TMEM234: variants seen among roughly 807,000 people sequenced by gnomAD.
The protein encoded by TMEM234 is chromosome 1 open reading frame 91.
A neutral mutation model predicts 17.8 loss-of-function variants in TMEM234; 21 were observed. The observed-to-expected ratio is 1.18, with a 90% CI of 0.84 to 1.70. The LOEUF (loss-of-function observed/expected upper bound fraction) is 1.70, where lower values mean the gene tolerates loss of function less well. Ranked by LOEUF, TMEM234 falls within the 40% of genes most tolerant of loss-of-function variation. The pLI, the probability that TMEM234 is intolerant of heterozygous loss-of-function variation, is 0.00. For missense variants in TMEM234, 137 were observed against 166.9 expected (o/e 0.82, Z 0.99); for synonymous variants, 83 against 73.5 (o/e 1.13, Z -0.66).
At chr1:32,214,683 G>A, downstream of TMEM234, 3 of 1,452,122 alleles carry the variant, frequency 2.1e-6, no homozygotes, top group Non-Finnish European at 9.3e-7. Flanking sequence ...GACAGACGGT[G>A]TCTCCTCTGC....
rs1347159239 is a variant in TMEM234, at chr1:32,221,148, A to C, written c.218T>G (p.Leu73Arg). ...GGACCCACCTGTCGATGCCAAGGTG[A>C]GGTAATAGAGAAGGGATCCACACTG... ...LNQCGSLLYY[L>R]TLASTDLTLA... Residue 73 changes from leucine to arginine, a missense_variant, in exon 3 of 5, where the codon CTC becomes CGC. Transcript: ENST00000309777. The C allele has an allele frequency of 1.2e-6, 2 of 1,613,314 alleles. No individual in the cohort carries two copies. Among genetic ancestry groups the C allele is most frequent in the Non-Finnish European group, 1.7e-6 (2 of 1,179,718 alleles).
In TMEM234 at chr1:32,221,860, G is replaced by A; in HGVS notation, c.168+7C>T. The A allele has an allele frequency of 6.2e-7, 1 of 1,612,954 alleles. No homozygotes were observed. On this transcript the variant is annotated splice_region_variant and intron_variant, in intron 2 of 4. Coordinates refer to ENST00000309777, the MANE Select transcript of TMEM234 (RefSeq NM_019118.5). ...CACCGAGAGAGGGGCCTTTCACAGA[G>A]ACGCACCTCAGTATTCAAGAAGAGG...
intron 3 of TMEM234, among the ~76,000 whole-genome samples, chr1:32,219,639 C>G (rs1296243674): frequency 2.6e-5 from 4 of 152,148 alleles, no homozygotes; most frequent in African/African-American, 9.7e-5. Flanking sequence ...TCCAAAAGTG[C>G]TGGAATTATA....
At chr1:32,214,778 C>T (rs1232576871), downstream of TMEM234, 1 of 1,613,594 alleles carries the variant, frequency 6.2e-7, no homozygotes, top group Non-Finnish European at 8.5e-7. Flanking sequence ...AGGGTCCAAG[C>T]CCAGTGTCCC....
chr1:32,216,938 G>A lies in TMEM234; in HGVS notation c.338C>T (p.Ala113Val). The A allele has an allele frequency of 1.2e-6, 2 of 1,614,154 alleles. No homozygotes were observed. The highest frequency in any genetic ancestry group is 8.5e-7 in the Non-Finnish European group (1 of 1,179,988). ...GEDIGGKRAV[A>V]GMVLTVIGIS... The stretch of plus-strand genomic sequence containing the variant: ...TCCTATCACGGTGAGCACCATGCCA[G>A]CAACTGCTCCTGGGATAATAGGCAG... Residue 113 changes from alanine to valine, a missense_variant, in exon 5 of 5, where the codon GCT (alanine) becomes GTT (valine). Ala to Val is a moderately conservative substitution (Grantham distance 64). Coordinates refer to ENST00000309777, the MANE Select transcript of TMEM234 (RefSeq NM_019118.5).
intron 4 of TMEM234, 68 bp from the exon 5 acceptor site, chr1:32,217,015 G>A (rs1458072979): frequency 6.2e-7 from 1 of 1,608,182 alleles, no homozygotes; most frequent in Non-Finnish European, 8.5e-7. Flanking sequence ...GTACAGGGCT[G>A]GAGGAAGGGC....
Position 32,221,910 on chromosome 1 carries a change from T to G in TMEM234, c.125A>C (p.Gln42Pro), listed in dbSNP as rs758322059. 4.2e-5 allele frequency: 67 copies of G among 1,612,920 alleles called. No homozygotes were observed. Among genetic ancestry groups the G allele is most frequent in the Non-Finnish European group, 5.7e-5 (67 of 1,179,966 alleles). ...GGTCTTCATCTCCTGTAGCAACTGC[T>G]GGGCCCAGGTCGGCTCATGAACCCG... Reference protein sequence around the residue: ...LQRVHEPTWAQQLLQEMKTLF... With the variant: ...LQRVHEPTWAPQLLQEMKTLF... Residue 42 changes from glutamine (Q) to proline (P), a missense_variant, in exon 2 of 5, where the codon CAG becomes CCG. Gln to Pro is a moderately conservative substitution (Grantham distance 76, BLOSUM62 -1). Coordinates refer to ENST00000309777, the MANE Select transcript of TMEM234 (RefSeq NM_019118.5).
downstream of TMEM234, chr1:32,215,119 A>G (rs932837644): frequency 7.1e-6 from 6 of 840,626 alleles, no homozygotes; most frequent in Non-Finnish European, 1.1e-5. Flanking sequence ...GTAAAAAAAA[A>G]AAAAGCTGGT....
At chr1:32,215,934 C>T (rs1449700476), downstream of TMEM234, 4 of 1,490,616 alleles carry the variant, frequency 2.7e-6, no homozygotes, top group African/African-American at 2.8e-5. Context: ...GGGACCACTA[C>T]TCTGGCCACC....
chr1:32,219,183 G>C (rs527460760), intron 3 of TMEM234, among the ~76,000 whole-genome samples: 1 of 151,546 alleles, frequency 6.6e-6, no homozygotes, highest in African/African-American at 2.4e-5. Context: ...GTTATCCATG[G>C]TAACAAGACT....
intron 3 of TMEM234, 58 bp from the exon 4 acceptor site, chr1:32,217,409 A>G (rs893325545): frequency 6.3e-7 from 1 of 1,589,778 alleles, no homozygotes; most frequent in African/African-American, 1.3e-5. Context: ...TCTAGGCACA[A>G]AACACTTCCA....
rs372274485 is a variant in TMEM234 at position 32,216,837 on chromosome 1, A to G, written c.*16T>C. 18 of 1,613,732 alleles carry G rather than the reference A, an allele frequency of 1.1e-5. No homozygotes were observed. Among genetic ancestry groups the G allele is most frequent in the East Asian group, 6.7e-5 (3 of 44,898 alleles). On this transcript the variant is annotated 3_prime_UTR_variant, in exon 5 of 5. Coordinates refer to ENST00000309777, the MANE Select transcript of TMEM234 (RefSeq NM_019118.5). ...GCTTCCTGGAGGCAGCAGAGCTGGA[A>G]GTGGGTTCGGCCCACTCAAAGGGTA...
Position 32,216,499 on chromosome 1 carries a change from G to A in TMEM234, c.*354C>T. 1.3e-6 allele frequency: 2 copies of A among 1,551,738 alleles called. No homozygotes were observed. The highest frequency in any genetic ancestry group is 1.4e-5 in the African/African-American group (1 of 73,170). On this transcript the variant is annotated 3_prime_UTR_variant, in exon 5 of 5. Coordinates refer to ENST00000309777, the MANE Select transcript of TMEM234 (RefSeq NM_019118.5). Reference sequence around the variant, plus strand: ...AGCTGGCCCTTTCCATGCAGCTGGAGTTCTGCAGTCCATGGAACCTGCCAC... The same window carrying A: ...AGCTGGCCCTTTCCATGCAGCTGGAATTCTGCAGTCCATGGAACCTGCCAC...
rs573238504 is a variant in TMEM234, at chr1:32,216,264, G to A, written c.*589C>T. ...GGTGTGCTGGAGTCAGGTGGGGCTG[G>A]GGCTCACAGCTCTCTACCTGTTTAA... On this transcript the variant is annotated 3_prime_UTR_variant, in exon 5 of 5. Coordinates refer to ENST00000309777, the MANE Select transcript of TMEM234 (RefSeq NM_019118.5). The A allele has an allele frequency of 8.3e-6, 12 of 1,446,754 alleles. No homozygotes were observed. In the African/African-American group the frequency reaches 1.5e-4, roughly 19 times the overall value. 89.6% of individuals were successfully genotyped at this position (1,446,754 alleles called of 1,614,324 possible).
chr1:32,215,919 AACTGGGGACCACT>A (rs1400602895), downstream of TMEM234: 3 of 1,536,340 alleles, frequency 2.0e-6, no homozygotes, highest in African/African-American at 4.1e-5. Flanking sequence ...TCCAGAGGGC[AACTGGGGACCACT>A]ACTCTGGCCA....
rs114443425 is a variant in TMEM234 at position 32,219,136 on chromosome 1, C to T, written c.236-1785G>A. Among the ~76,000 whole-genome samples the T allele has an allele frequency of 9.5e-3, 1,422 of 150,048 alleles. 33 individuals carry two copies. Among genetic ancestry groups the T allele is most frequent in the African/African-American group, 0.032 (1,323 of 40,774 alleles). Reference sequence around the variant, plus strand: ...TCAAAAAAAAAAAAAAAAAGCACCACATACACATAAAAAAGACCAATGGAC... The same window carrying T: ...TCAAAAAAAAAAAAAAAAAGCACCATATACACATAAAAAAGACCAATGGAC... On this transcript the variant is annotated intron_variant, in intron 3 of 4. Coordinates refer to ENST00000309777, the MANE Select transcript of TMEM234 (RefSeq NM_019118.5).
At chr1:32,215,624 C>G (rs979085900), downstream of TMEM234, 11 of 1,316,104 alleles carry the variant, frequency 8.4e-6, no homozygotes, top group Admixed American at 4.3e-5. Context: ...GCCCCAGGAA[C>G]AGTTCTCCTC....
intron 3 of TMEM234, 195 bp from the exon 4 acceptor site, chr1:32,217,546 T>G: frequency 1.6e-6 from 2 of 1,277,884 alleles, no homozygotes; most frequent in Non-Finnish European, 2.2e-6. Context: ...GATTCCAGCA[T>G]GAAGACCTGA....
downstream of TMEM234, chr1:32,215,385 G>A: frequency 6.9e-7 from 1 of 1,458,004 alleles, no homozygotes; most frequent in South Asian, 1.2e-5. Flanking sequence ...TCCAGGGCAG[G>A]AATGCTGAGG....
Sources: gnomAD v4.1 joint callset for allele counts (sites outside exome capture counted in the v4.1 genomes callset) on GRCh38, gnomAD v4.1.1 for gene constraint, MANE v1.5 for transcripts, NCBI Gene and HGNC (gene_info 2026-07-23, HGNC 2026-07-21) for gene names.